The following KATNAL2 variants were observed in gnomAD, a reference collection of about 807,000 sequenced individuals.
The protein encoded by KATNAL2 is katanin catalytic subunit A1 like 2.
Under a neutral mutation model 76.3 loss-of-function variants are expected in KATNAL2, and 52 were observed. The ratio of observed to expected loss-of-function variants is 0.68; its 90% CI spans 0.55 to 0.86. The LOEUF (loss-of-function observed/expected upper bound fraction) is 0.86, where lower values mean the gene tolerates loss of function less well. KATNAL2 is among the 40% of genes least tolerant of loss of function. The pLI is 0.00. For synonymous variants in KATNAL2, 243 were observed against 244.2 expected (o/e 1.00, Z 0.05); for missense variants, 660 against 668.9 (o/e 0.99, Z 0.15).
At chr18:47,046,871 A>G (rs931539058) in intron 4 of KATNAL2, among the ~76,000 whole-genome samples, 1 of 152,218 alleles carries the variant, frequency 6.6e-6, no homozygotes, top group Non-Finnish European at 1.5e-5. Flanking sequence ...ACCATACAAA[A>G]TCATTTCGCT....
intron 1 of KATNAL2, among the ~76,000 whole-genome samples, chr18:46,940,674 C>T (rs1041391715): frequency 1.3e-5 from 2 of 151,968 alleles, no homozygotes; most frequent in African/African-American, 2.4e-5. Context: ...AGACAGAATT[C>T]CAAGGTAGGG....
intron 3 of KATNAL2, among the ~76,000 whole-genome samples, chr18:47,041,825 A>T (rs1488728377): frequency 6.6e-6 from 1 of 152,218 alleles, no homozygotes; most frequent in African/African-American, 2.4e-5. Context: ...ACTGTTTTGC[A>T]TCCCACCAGC....
Position 47,033,732 on chromosome 18 carries a change from C to T in KATNAL2, c.52-12725C>T, listed in dbSNP as rs778920389. On this transcript the variant is annotated intron_variant, in intron 3 of 17. Coordinates refer to ENST00000683218, the MANE Select transcript of KATNAL2 (RefSeq NM_001387690.1). ...GCCTGGAGCCCGAGTACACCGGCAT[C>T]TTAGCATTCACTCTGCGTCCAGGGA... 4 of 1,614,194 alleles carry T rather than the reference C, an allele frequency of 2.5e-6. No individual in the cohort carries two copies. The South Asian group carries it at 4.4e-5, about 18-fold the overall frequency.
At chr18:47,078,313 C>G (rs188666524) in intron 15 of KATNAL2, among the ~76,000 whole-genome samples, 16 of 152,222 alleles carry the variant, frequency 1.1e-4, no homozygotes, top group African/African-American at 3.9e-4. Context: ...ATCTGGGACC[C>G]CCCCCAAACC....
chr18:46,920,659 A>G (rs2058488546), intron 1 of KATNAL2, among the ~76,000 whole-genome samples: 1 of 152,320 alleles, frequency 6.6e-6, no homozygotes, highest in East Asian at 1.9e-4. Context: ...CTCCCCAATA[A>G]TCATTCAATA....
At chr18:46,955,404 A>T (rs1461811026) in intron 3 of KATNAL2, among the ~76,000 whole-genome samples, 1 of 150,240 alleles carries the variant, frequency 6.7e-6, no homozygotes. Context: ...TTTTTTTTTA[A>T]GTAGAGACGG....
chr18:47,072,320 A>G (rs1407014636), intron 13 of KATNAL2, among the ~76,000 whole-genome samples: 1 of 152,184 alleles, frequency 6.6e-6, no homozygotes, highest in Non-Finnish European at 1.5e-5. Context: ...ATAAGAGGAT[A>G]CACAGACTCC....
At chr18:46,961,484 T>C (rs2059950237) in intron 3 of KATNAL2, among the ~76,000 whole-genome samples, 2 of 152,228 alleles carry the variant, frequency 1.3e-5, no homozygotes, top group African/African-American at 4.8e-5. Context: ...AAAACTTTTA[T>C]CATTTGTAGG....
intron 3 of KATNAL2, among the ~76,000 whole-genome samples, chr18:46,967,502 T>C (rs77925800): frequency 0.075 from 6,695 of 89,644 alleles, 86 homozygotes; most frequent in Middle Eastern, 0.12. Context: ...TGTGTGTGTG[T>C]GCGCGCGCGC....
At chr18:47,041,002 C>T (rs1264035769) in intron 3 of KATNAL2, among the ~76,000 whole-genome samples, 1 of 152,236 alleles carries the variant, frequency 6.6e-6, no homozygotes, top group Non-Finnish European at 1.5e-5. Context: ...CCATAAACAT[C>T]CATTTAAAAG....
chr18:47,056,826 A>G (rs2061484289), intron 6 of KATNAL2, among the ~76,000 whole-genome samples: 1 of 126,172 alleles, frequency 7.9e-6, no homozygotes, highest in Non-Finnish European at 1.8e-5. Context: ...ACACAAACAC[A>G]TAAACACACA....
intron 13 of KATNAL2, among the ~76,000 whole-genome samples, chr18:47,073,080 A>G (rs566025967): frequency 6.6e-6 from 1 of 152,304 alleles, no homozygotes; most frequent in Non-Finnish European, 1.5e-5. Flanking sequence ...ACCGATTGCC[A>G]GATTACTTGC....
intron 15 of KATNAL2, among the ~76,000 whole-genome samples, chr18:47,094,034 T>C (rs545360641): frequency 1.3e-5 from 2 of 152,360 alleles, no homozygotes; most frequent in Admixed American, 6.5e-5. Context: ...TGTCGGATGG[T>C]AGAGCCCTAT....
chr18:47,031,576 G>T (rs982006375), intron 3 of KATNAL2, among the ~76,000 whole-genome samples: 1 of 152,080 alleles, frequency 6.6e-6, no homozygotes, highest in African/African-American at 2.4e-5. Flanking sequence ...AATTTGCTGT[G>T]TTTCCAGACT....
chr18:46,956,085 G>A (rs1457821445), intron 3 of KATNAL2, among the ~76,000 whole-genome samples: 1 of 152,078 alleles, frequency 6.6e-6, no homozygotes, highest in Non-Finnish European at 1.5e-5. Context: ...TTCAAGCTAG[G>A]CATTTGTCAC....
intron 3 of KATNAL2, among the ~76,000 whole-genome samples, chr18:47,040,107 A>G (rs983639247): frequency 6.6e-6 from 1 of 152,240 alleles, no homozygotes; most frequent in Non-Finnish European, 1.5e-5. Context: ...AAAAGACATA[A>G]TCTCTTATAA....
At chr18:47,046,331 A>G (rs897289868) in intron 3 of KATNAL2, 126 bp from the exon 4 acceptor site, 70 of 659,300 alleles carry the variant, frequency 1.1e-4, no homozygotes, top group Admixed American at 1.0e-3. Flanking sequence ...GAGACTTCAA[A>G]TTGCTTTCCA....
At chr18:47,042,585 A>G (rs1187711834) in intron 3 of KATNAL2, among the ~76,000 whole-genome samples, 1 of 152,182 alleles carries the variant, frequency 6.6e-6, no homozygotes, top group Non-Finnish European at 1.5e-5. Context: ...AGAAAGAATC[A>G]GAGAATAAGA....
intron 3 of KATNAL2, among the ~76,000 whole-genome samples, chr18:47,042,828 T>A (rs2061007795): frequency 6.6e-6 from 1 of 152,166 alleles, no homozygotes; most frequent in Admixed American, 6.5e-5. Context: ...AAAGAAGTTT[T>A]CCAAAAATGA....
Sources: gnomAD v4.1 joint callset for allele counts (sites outside exome capture counted in the v4.1 genomes callset) on GRCh38, gnomAD v4.1.1 for gene constraint, MANE v1.5 for transcripts, NCBI Gene and HGNC (gene_info 2026-07-23, HGNC 2026-07-21) for gene names.